ZFAT: variants seen among roughly 807,000 people sequenced by gnomAD.
ZFAT encodes zinc finger protein ZFAT.
Under a neutral mutation model 117.7 loss-of-function variants are expected in ZFAT, and 64 were observed. The observed-to-expected ratio is 0.54, with a 90% CI of 0.44 to 0.67. The LOEUF (loss-of-function observed/expected upper bound fraction) is 0.67. Among genes scored for constraint, ZFAT ranks in the 30% least tolerant of loss-of-function variants. The probability of loss-of-function intolerance (pLI) is 0.00; values close to 1 mark genes in which losing one functional copy is unlikely to be tolerated. For missense variants in ZFAT, 1,433 were observed against 1,584.5 expected, an observed-to-expected ratio of 0.90 and a Z score of 1.62; for synonymous variants, 679 against 615.0, an observed-to-expected ratio of 1.10 and a Z score of -1.54.
intron 9 of ZFAT, among the ~76,000 whole-genome samples, chr8:134,587,713 C>A (rs183190896): frequency 4.1e-4 from 63 of 152,338 alleles, no homozygotes; most frequent in African/African-American, 1.5e-3. Context: ...CTTCCCTTCA[C>A]AGGCAAGCAA....
chr8:134,606,009 G>A (rs952416849), intron 5 of ZFAT, among the ~76,000 whole-genome samples: 2 of 152,192 alleles, frequency 1.3e-5, no homozygotes, highest in Non-Finnish European at 1.5e-5. Flanking sequence ...GCCTCCCTGA[G>A]GACAAGACAT....
chr8:134,479,929 T>C (rs1817174206), intron 15 of ZFAT, among the ~76,000 whole-genome samples: 1 of 151,830 alleles, frequency 6.6e-6, no homozygotes, highest in Non-Finnish European at 1.5e-5. Context: ...ACTGACCTTT[T>C]AATCCCTTCA....
the ZFAT span, among the ~76,000 whole-genome samples, chr8:134,726,429 T>C: frequency 6.6e-6 from 1 of 152,218 alleles, no homozygotes; most frequent in African/African-American, 2.4e-5. Flanking sequence ...ACATGCTCAC[T>C]TGAGGCATTT....
chr8:134,716,510 G>T (rs1338346771), upstream of ZFAT, among the ~76,000 whole-genome samples: 1 of 152,182 alleles, frequency 6.6e-6, no homozygotes, highest in Non-Finnish European at 1.5e-5. Flanking sequence ...CTCCGGAGTG[G>T]TTTTCATTAG....
chr8:134,717,060 A>G (rs928288100), upstream of ZFAT, among the ~76,000 whole-genome samples: 2 of 152,184 alleles, frequency 1.3e-5, no homozygotes, highest in Non-Finnish European at 2.9e-5. Context: ...TCAATAATTT[A>G]TGTTGGAAGT....
the ZFAT span, chr8:134,723,259 G>A: frequency 6.6e-6 from 1 of 152,274 alleles, no homozygotes; most frequent in Non-Finnish European, 1.5e-5. Context: ...AGGATCGCCT[G>A]GGACCTCCCT....
chr8:134,495,077 C>T (rs537851044), intron 15 of ZFAT, among the ~76,000 whole-genome samples: 1 of 152,308 alleles, frequency 6.6e-6, no homozygotes, highest in South Asian at 2.1e-4. Flanking sequence ...TGCCCAGCTC[C>T]CCTGACTTTG....
At chr8:134,518,948 A>C (rs1820439925) in intron 13 of ZFAT, among the ~76,000 whole-genome samples, 1 of 152,098 alleles carries the variant, frequency 6.6e-6, no homozygotes, top group African/African-American at 2.4e-5. Flanking sequence ...TCATATACTA[A>C]ATTTCCATAT....
At chr8:134,483,515 A>C (rs754994192) in intron 15 of ZFAT, among the ~76,000 whole-genome samples, 7 of 152,146 alleles carry the variant, frequency 4.6e-5, no homozygotes, top group Non-Finnish European at 8.8e-5. Context: ...TGTTCAAAAT[A>C]ATCACTCTAG....
chr8:134,736,711 G>A, the ZFAT span, among the ~76,000 whole-genome samples: 7 of 152,066 alleles, frequency 4.6e-5, no homozygotes, highest in South Asian at 2.1e-4. Flanking sequence ...TCCTCCCACC[G>A]CAGCCTCCTG....
At chr8:134,819,947 C>G in the ZFAT span, among the ~76,000 whole-genome samples, 4 of 152,052 alleles carry the variant, frequency 2.6e-5, no homozygotes, top group East Asian at 7.7e-4. Context: ...GAGAAGCACA[C>G]ATAGACATGA....
chr8:134,756,391 G>A, the ZFAT span, among the ~76,000 whole-genome samples: 3,956 of 152,272 alleles, frequency 0.026, 104 homozygotes, highest in Non-Finnish European at 0.035. Context: ...GTTCAGGAAC[G>A]GGACATTACT....
At chr8:134,821,785 G>A in the ZFAT span, among the ~76,000 whole-genome samples, 1 of 152,250 alleles carries the variant, frequency 6.6e-6, no homozygotes, top group East Asian at 1.9e-4. Flanking sequence ...AAATGCACTT[G>A]AGGAGATCAA....
intron 11 of ZFAT, among the ~76,000 whole-genome samples, chr8:134,555,238 C>T (rs1243665923): frequency 6.6e-6 from 1 of 151,362 alleles, no homozygotes; most frequent in Non-Finnish European, 1.5e-5. Flanking sequence ...ACCAGAGATG[C>T]TCGTTAGAGA....
At chr8:134,579,909 C>A (rs1016584342) in intron 10 of ZFAT, among the ~76,000 whole-genome samples, 4 of 149,654 alleles carry the variant, frequency 2.7e-5, no homozygotes, top group Non-Finnish European at 5.9e-5. Context: ...GGGATTGCAC[C>A]ACTGCACTCC....
chr8:134,803,262 T>C, the ZFAT span, among the ~76,000 whole-genome samples: 4 of 152,192 alleles, frequency 2.6e-5, no homozygotes, highest in African/African-American at 9.7e-5. Context: ...TTTAAAGCAG[T>C]ATATCAAAAT....
At chr8:134,534,612 G>A (rs1821682802) in intron 11 of ZFAT, among the ~76,000 whole-genome samples, 1 of 149,210 alleles carries the variant, frequency 6.7e-6, no homozygotes, top group African/African-American at 2.5e-5. Context: ...AGAGAGGGAA[G>A]AGAGGGAGAG....
At chr8:134,806,431 G>A in the ZFAT span, among the ~76,000 whole-genome samples, 1 of 152,112 alleles carries the variant, frequency 6.6e-6, no homozygotes, top group Non-Finnish European at 1.5e-5. Context: ...AAAGTCCAGT[G>A]GCTATTTACA....
At chr8:134,594,239 A>G (rs954044404) in intron 7 of ZFAT, among the ~76,000 whole-genome samples, 3 of 152,228 alleles carry the variant, frequency 2.0e-5, no homozygotes, top group African/African-American at 7.2e-5. Context: ...TTTTGTGATC[A>G]AGTAAGAAAA....
Sources: gnomAD v4.1 joint callset for allele counts (sites outside exome capture counted in the v4.1 genomes callset) on GRCh38, gnomAD v4.1.1 for gene constraint, MANE v1.5 for transcripts, NCBI Gene and HGNC (gene_info 2026-07-23, HGNC 2026-07-21) for gene names.